N4BP1: variants seen among roughly 807,000 people sequenced by gnomAD.
The protein encoded by N4BP1 is NEDD4 binding protein 1.
In N4BP1, 21 loss-of-function variants were observed where a neutral mutation model predicts 70.9. That is an observed-to-expected ratio of 0.30 (90% CI 0.21 to 0.43). The LOEUF (loss-of-function observed/expected upper bound fraction) is 0.43, where lower values mean the gene tolerates loss of function less well. Ranked by LOEUF, N4BP1 falls within the 20% of genes least tolerant of loss-of-function variation. The probability of loss-of-function intolerance (pLI) is 1.00; values close to 1 mark genes in which losing one functional copy is unlikely to be tolerated. For synonymous variants in N4BP1, 387 were observed against 394.6 expected, an observed-to-expected ratio of 0.98 and a Z score of 0.23; for missense variants, 936 against 1,069.4, an observed-to-expected ratio of 0.88 and a Z score of 1.74.
intron 1 of N4BP1, among the ~76,000 whole-genome samples, chr16:48,590,259 C>T (rs549804616): frequency 1.3e-5 from 2 of 152,282 alleles, no homozygotes; most frequent in South Asian, 4.1e-4. Flanking sequence ...CCCCATGATT[C>T]CATCTCCAAC....
At chr16:48,551,557 C>T in intron 3 of N4BP1, 75 bp from the exon 4 acceptor site, 1 of 1,054,002 alleles carries the variant, frequency 9.5e-7, no homozygotes, top group East Asian at 2.6e-5. Context: ...TGAAAGTACA[C>T]TCAAATGTTT....
chr16:48,576,546 TC>T (rs1249726028), intron 1 of N4BP1, among the ~76,000 whole-genome samples: 1 of 152,230 alleles, frequency 6.6e-6, no homozygotes, highest in African/African-American at 2.4e-5. Flanking sequence ...CCTGATTTTT[TC>T]TTCACTCTTA....
At chr16:48,570,397 G>A (rs2151092183) in intron 1 of N4BP1, among the ~76,000 whole-genome samples, 1 of 152,344 alleles carries the variant, frequency 6.6e-6, no homozygotes, top group African/African-American at 2.4e-5. Context: ...CCAAGCTGGA[G>A]TGCAGTGGCA....
Position 48,539,710 on chromosome 16 carries a change from C to T in N4BP1, c.*3194G>A, listed in dbSNP as rs571313743. 2 of 152,466 alleles carry T rather than the reference C, an allele frequency of 1.3e-5. No homozygotes were observed. Among genetic ancestry groups the T allele is most frequent in the African/African-American group, 4.8e-5 (2 of 41,590 alleles). 9.4% of individuals were successfully genotyped at this position (152,466 alleles called of 1,614,324 possible). A position where few individuals can be genotyped will look rare whatever the true frequency, so the allele number is the denominator to read the frequency against. On this transcript the variant is annotated 3_prime_UTR_variant, in exon 7 of 7. Coordinates refer to ENST00000262384, the MANE Select transcript of N4BP1 (RefSeq NM_153029.4). ...TTAACACCAGCTGCCCTCTCCACCA[C>T]CACGAGCCCCAAAGGTGGGGAAAAG...
rs780350053 is a variant in N4BP1 at position 48,553,624 on chromosome 16, T to A, written c.1935A>T (p.Ala645=). 2 of 1,603,288 alleles carry A rather than the reference T, an allele frequency of 1.2e-6. No individual in the cohort carries two copies. Among genetic ancestry groups the A allele is most frequent in the Non-Finnish European group, 1.7e-6 (2 of 1,175,350 alleles). The change falls in exon 3 of 7, where the codon GCA becomes GCT. Residue 645 remains alanine, a synonymous_variant. Transcript: ENST00000262384. The part of the protein sequence containing the change: ...KFFSCRGIAI[A]VEYFWKLGNR... ...TGCCAAGCTTCCAAAAATATTCAAC[T>A]GCAATTGCAATTCCACGACAAGAAA...
chr16:48,559,963 C>T (rs1336911460), intron 2 of N4BP1, among the ~76,000 whole-genome samples: 1 of 152,172 alleles, frequency 6.6e-6, no homozygotes, highest in African/African-American at 2.4e-5. Flanking sequence ...TCCTTAAGGA[C>T]AGGTCAGAAG....
chr16:48,605,189 C>A (rs1181994355), intron 1 of N4BP1, among the ~76,000 whole-genome samples: 2 of 152,104 alleles, frequency 1.3e-5, no homozygotes, highest in Admixed American at 6.6e-5. Context: ...TGCGCCACCC[C>A]ACCTGGCTAA....
intron 1 of N4BP1, among the ~76,000 whole-genome samples, chr16:48,598,658 C>T (rs900063015): frequency 1.1e-4 from 16 of 152,090 alleles, no homozygotes; most frequent in African/African-American, 3.9e-4. Context: ...GCAAAGATTA[C>T]AATGAGAAAT....
intron 1 of N4BP1, among the ~76,000 whole-genome samples, chr16:48,595,644 T>C (rs868103738): frequency 2.6e-5 from 4 of 152,176 alleles, no homozygotes; most frequent in African/African-American, 9.7e-5. Context: ...ATAAGTGCAA[T>C]AAGAATGTTT....
Position 48,559,614 on chromosome 16 carries a change from G to A in N4BP1, c.1889+1140C>T, listed in dbSNP as rs1478197830. 6 of 152,212 alleles carry A rather than the reference G, an allele frequency of 3.9e-5. No individual in the cohort carries two copies. In the East Asian group the frequency reaches 1.2e-3, roughly 29 times the overall value. 9.4% of individuals were successfully genotyped at this position (152,212 alleles called of 1,614,324 possible). A position where few individuals can be genotyped will look rare whatever the true frequency, so the allele number is the denominator to read the frequency against. On this transcript the variant is annotated intron_variant, in intron 2 of 6. Coordinates refer to ENST00000262384, the MANE Select transcript of N4BP1 (RefSeq NM_153029.4). ...AGCCAATCACAGCAGCCAAGCTTCA[G>A]CCAATCACAGGCTGCCAATTGTTCA...
chr16:48,603,261 T>C (rs933759007), intron 1 of N4BP1, among the ~76,000 whole-genome samples: 7 of 152,156 alleles, frequency 4.6e-5, no homozygotes, highest in South Asian at 4.1e-4. Flanking sequence ...CTGAGTTTCA[T>C]GGGTGCACTG....
intron 1 of N4BP1, chr16:48,600,342 A>C: frequency 1.1e-6 from 1 of 874,412 alleles, no homozygotes; most frequent in South Asian, 1.3e-5. Context: ...AGCAGGTGGC[A>C]AAGAGCTTAC....
intron 1 of N4BP1, among the ~76,000 whole-genome samples, chr16:48,575,271 C>T (rs1011926610): frequency 5.9e-5 from 9 of 152,296 alleles, no homozygotes; most frequent in South Asian, 4.1e-4. Flanking sequence ...TTTGAATTGG[C>T]TGTACTTGGT....
In N4BP1 at chr16:48,553,627, A is replaced by T; in HGVS notation, c.1932T>A (p.Ile644=). Residue 644 remains isoleucine, a synonymous_variant, in exon 3 of 7, where the codon ATT becomes ATA. Coordinates refer to ENST00000262384, the MANE Select transcript of N4BP1 (RefSeq NM_153029.4). ...KKFFSCRGIA[I]AVEYFWKLGN... ...CAAGCTTCCAAAAATATTCAACTGC[A>T]ATTGCAATTCCACGACAAGAAAAGA... 2 of 1,603,432 alleles carry T rather than the reference A, an allele frequency of 1.2e-6. No homozygotes were observed. The highest frequency in any genetic ancestry group is 1.7e-6 in the Non-Finnish European group (2 of 1,175,434).
chr16:48,544,166 T>G (rs893352422), intron 6 of N4BP1, among the ~76,000 whole-genome samples: 2 of 152,306 alleles, frequency 1.3e-5, no homozygotes, highest in Non-Finnish European at 2.9e-5. Flanking sequence ...TGCCATTCTC[T>G]TCATGTGGGT....
At chr16:48,607,944 A>G (rs752265816) in intron 1 of N4BP1, among the ~76,000 whole-genome samples, 2 of 152,126 alleles carry the variant, frequency 1.3e-5, no homozygotes, top group Non-Finnish European at 2.9e-5. Flanking sequence ...GCTCACTGCA[A>G]CCTGCCTTCC....
intron 1 of N4BP1, among the ~76,000 whole-genome samples, 181 bp downstream of exon 1, chr16:48,609,594 G>A (rs1374862825): frequency 6.6e-6 from 1 of 152,210 alleles, no homozygotes; most frequent in Non-Finnish European, 1.5e-5. Flanking sequence ...GAGGCTCCGG[G>A]GATCAAGCCG....
At chr16:48,596,552 G>A (rs1007510196) in intron 1 of N4BP1, among the ~76,000 whole-genome samples, 2 of 152,160 alleles carry the variant, frequency 1.3e-5, no homozygotes, top group African/African-American at 4.8e-5. Context: ...AACCCAAAGG[G>A]AAGGACTGAA....
chr16:48,601,976 A>T (rs1964508233), intron 1 of N4BP1, among the ~76,000 whole-genome samples: 1 of 152,224 alleles, frequency 6.6e-6, no homozygotes, highest in African/African-American at 2.4e-5. Context: ...TAATCCTACC[A>T]CTTTGGGAGG....
Sources: gnomAD v4.1 joint callset for allele counts (sites outside exome capture counted in the v4.1 genomes callset) on GRCh38, gnomAD v4.1.1 for gene constraint, MANE v1.5 for transcripts, NCBI Gene and HGNC (gene_info 2026-07-23, HGNC 2026-07-21) for gene names.